Variants in RBL2 observed in about 807,000 individuals in gnomAD.
RBL2 encodes the protein retinoblastoma-like protein 2.
A neutral mutation model predicts 126.0 loss-of-function variants in RBL2; 56 were observed. The observed-to-expected ratio is 0.44, with a 90% CI of 0.36 to 0.56. RBL2 has a LOEUF of 0.56. Ranked by LOEUF, RBL2 falls within the 20% of genes least tolerant of loss-of-function variation. The pLI, the probability that RBL2 is intolerant of heterozygous loss-of-function variation, is 0.00. For missense variants in RBL2, 1,229 were observed against 1,398.2 expected (o/e 0.88, Z 1.93); for synonymous variants, 454 against 478.5 (o/e 0.95, Z 0.67).
chr16:53,469,973 C>G lies in RBL2; in HGVS notation c.2033C>G (p.Thr678Ser). ...TACAGCTCCCCACCAGCCAGCACTA[C>G]CAGAAGGCGGCTATTTGTTGAGAAT... Reference protein sequence around the residue: ...DRYSSPPASTTRRRLFVENDS... With the variant: ...DRYSSPPASTSRRRLFVENDS... The change falls in exon 15 of 22, where the codon ACC becomes AGC. Residue 678 changes from threonine to serine, a missense_variant. Physicochemically the swap from Thr to Ser is moderately conservative, Grantham distance 58 (BLOSUM62 1). This residue lies in a region of RBL2 where 1,070 missense variants were observed against 1,274.3 expected (regional missense o/e 0.84). Transcript: ENST00000262133. 3 of 1,613,678 alleles carry G rather than the reference C, an allele frequency of 1.9e-6. No homozygotes were observed. Among genetic ancestry groups the G allele is most frequent in the Non-Finnish European group, 2.5e-6 (3 of 1,179,662 alleles).
At chr16:53,483,783 C>T (rs1039350944) in intron 21 of RBL2, among the ~76,000 whole-genome samples, 1 of 151,694 alleles carries the variant, frequency 6.6e-6, no homozygotes, top group African/African-American at 2.4e-5. Context: ...ATCCCAGCTA[C>T]TCAGAATCGC....
chr16:53,456,932 TAGAA>T (rs1248663262), intron 8 of RBL2, among the ~76,000 whole-genome samples: 2 of 152,022 alleles, frequency 1.3e-5, no homozygotes, highest in African/African-American at 4.8e-5. Context: ...GGGAGGTAGG[TAGAA>T]AGAATTGTTT....
intron 19 of RBL2, 98 bp downstream of exon 19, chr16:53,480,089 A>G (rs886156222): frequency 1.0e-5 from 8 of 787,524 alleles, no homozygotes; most frequent in East Asian, 5.4e-5. Context: ...TGAAATAACT[A>G]TAGAAACTAT....
At chr16:53,450,596 C>T (rs1301545865) in intron 4 of RBL2, among the ~76,000 whole-genome samples, 1 of 152,006 alleles carries the variant, frequency 6.6e-6, no homozygotes, top group East Asian at 1.9e-4. Flanking sequence ...TTTAACTACA[C>T]GTAAAAATGT....
chr16:53,479,867 T>C lies in RBL2; in HGVS notation c.2776-19T>C, dbSNP rs759254286. ...CAACAAATACTAGTTTATGTCCCCTTCTCATTGTTTCTCTAAAGGTGTATA... is the reference window on the plus strand; with the variant it reads ...CAACAAATACTAGTTTATGTCCCCTCCTCATTGTTTCTCTAAAGGTGTATA... On this transcript the variant is annotated intron_variant, in intron 18 of 21. Transcript: ENST00000262133. 2.4e-5 allele frequency: 36 copies of C among 1,515,298 alleles called. No homozygotes were observed. The highest frequency in any genetic ancestry group is 3.0e-5 in the Non-Finnish European group (33 of 1,103,114). 93.9% of individuals were successfully genotyped at this position (1,515,298 alleles called of 1,614,324 possible). A position where few individuals can be genotyped will look rare whatever the true frequency, so the allele number is the denominator to read the frequency against.
intron 6 of RBL2, 25 bp downstream of exon 6, chr16:53,453,637 G>A (rs745456209): frequency 1.5e-5 from 24 of 1,603,760 alleles, no homozygotes; most frequent in East Asian, 4.5e-5. Flanking sequence ...AAGAAATAAC[G>A]TGAAAATGTT....
intron 4 of RBL2, among the ~76,000 whole-genome samples, chr16:53,450,968 T>A (rs2058109342): frequency 6.6e-6 from 1 of 151,928 alleles, no homozygotes; most frequent in Non-Finnish European, 1.5e-5. Context: ...ATGAGAATAA[T>A]TAAGTGAATT....
At chr16:53,485,805 A>G (rs1390571837) in intron 21 of RBL2, among the ~76,000 whole-genome samples, 2 of 152,132 alleles carry the variant, frequency 1.3e-5, no homozygotes, top group African/African-American at 2.4e-5. Flanking sequence ...ACAGTGAGCC[A>G]TGCTCACATT....
chr16:53,435,843 TC>T (rs1813635521), intron 1 of RBL2: 1 of 1,093,312 alleles, frequency 9.1e-7, no homozygotes, highest in Non-Finnish European at 1.2e-6. Flanking sequence ...AATTACTAGT[TC>T]CCTCTTTGAA....
intron 8 of RBL2, among the ~76,000 whole-genome samples, chr16:53,457,531 T>C (rs2058181609): frequency 6.6e-6 from 1 of 152,032 alleles, no homozygotes; most frequent in Admixed American, 6.6e-5. Context: ...AGTGCTGGGA[T>C]TATAGGCGTG....
chr16:53,446,820 T>C lies in RBL2; in HGVS notation c.573-222T>C, dbSNP rs528083740. Among the ~76,000 whole-genome samples the C allele has an allele frequency of 1.1e-4, 16 of 152,320 alleles. No individual in the cohort carries two copies. The South Asian group carries it at 2.9e-3, about 28-fold the overall frequency. ...CCCTCAAAAAACTTTAAAAAATTCT[T>C]TAAGAATTTTCTTTTCTTTGAGATG... On this transcript the variant is annotated intron_variant, in intron 3 of 21. Coordinates refer to ENST00000262133, the MANE Select transcript of RBL2 (RefSeq NM_005611.4).
intron 1 of RBL2, among the ~76,000 whole-genome samples, chr16:53,437,958 CA>C (rs2057975344): frequency 6.6e-6 from 1 of 151,782 alleles, no homozygotes; most frequent in Non-Finnish European, 1.5e-5. Context: ...ACCTGGGAGG[CA>C]GAGCTTGGAG....
chr16:53,467,474 G>C (rs2058283165), intron 14 of RBL2, among the ~76,000 whole-genome samples: 1 of 152,092 alleles, frequency 6.6e-6, no homozygotes, highest in African/African-American at 2.4e-5. Flanking sequence ...TGCAACCTCT[G>C]CCTGCCGGGT....
At chr16:53,474,912 C>A (rs532076918) in intron 17 of RBL2, among the ~76,000 whole-genome samples, 4 of 152,104 alleles carry the variant, frequency 2.6e-5, no homozygotes, top group Non-Finnish European at 5.9e-5. Flanking sequence ...GCCTGAAAGA[C>A]CCATGGATAT....
At position 53,434,733 on chromosome 16, in the gene RBL2, C is replaced by T. The variant is rs770618567; in HGVS notation, c.177C>T (p.Asp59=). The T allele has an allele frequency of 1.8e-5, 28 of 1,546,090 alleles. No individual in the cohort carries two copies. The highest frequency in any genetic ancestry group is 1.7e-6 in the Non-Finnish European group (2 of 1,155,114). Residue 59 remains aspartate (D), a synonymous_variant, in exon 1 of 22, where the codon GAC becomes GAT. Transcript: ENST00000262133. The part of the protein sequence containing the change: ...FDELCSRLNM[D]EAARAEAWDS... The stretch of plus-strand genomic sequence containing the variant: ...AGCTGTGCAGCCGCCTCAACATGGA[C>T]GAGGCGGCGCGGGCCGAGGCCTGGG...
At chr16:53,474,864 T>G (rs183868228) in intron 17 of RBL2, among the ~76,000 whole-genome samples, 10 of 152,262 alleles carry the variant, frequency 6.6e-5, no homozygotes, top group South Asian at 6.2e-4. Flanking sequence ...ATTTAGGTAT[T>G]ATATTTTTTC....
At chr16:53,457,455 T>C (rs972706328) in intron 8 of RBL2, among the ~76,000 whole-genome samples, 1 of 151,670 alleles carries the variant, frequency 6.6e-6, no homozygotes, top group Non-Finnish European at 1.5e-5. Context: ...GAAACGGCAT[T>C]TCACCATCTT....
chr16:53,461,911 C>T, intron 10 of RBL2, 61 bp downstream of exon 10: 1 of 1,377,408 alleles, frequency 7.3e-7, no homozygotes, highest in Non-Finnish European at 1.0e-6. Flanking sequence ...GGAGTCATTT[C>T]TTACTAACTA....
chr16:53,438,926 C>A (rs1172281817), intron 1 of RBL2, 90 bp from the exon 2 acceptor site: 41 of 593,264 alleles, frequency 6.9e-5, no homozygotes, highest in South Asian at 3.6e-4. Context: ...AAAATATAAA[C>A]AACACTTTCA....
Sources: gnomAD v4.1 joint callset for allele counts (sites outside exome capture counted in the v4.1 genomes callset) on GRCh38, gnomAD v4.1.1 for gene constraint, gnomAD v4.1.1 regional missense constraint, MANE v1.5 for transcripts, NCBI Gene and HGNC (gene_info 2026-07-23, HGNC 2026-07-21) for gene names.